GUSB: variants seen among roughly 807,000 people sequenced by gnomAD.
GUSB encodes the protein beta-glucuronidase.
A neutral mutation model predicts 74.6 loss-of-function variants in GUSB; 51 were observed. The observed-to-expected ratio is 0.68, with a 90% CI of 0.55 to 0.86. GUSB has a LOEUF of 0.86. Ranked by LOEUF, GUSB falls within the 40% of genes least tolerant of loss-of-function variation. The pLI, the probability that GUSB is intolerant of heterozygous loss-of-function variation, is 0.00. For missense variants in GUSB, 736 were observed against 853.7 expected (o/e 0.86, Z 1.72); for synonymous variants, 360 against 348.3 (o/e 1.03, Z -0.37).
chr7:65,975,945 T>G (rs1370472583), intron 5 of GUSB, 70 bp downstream of exon 5: 5 of 1,320,272 alleles, frequency 3.8e-6, no homozygotes, highest in Non-Finnish European at 5.4e-6. Context: ...TGTCTTGGGC[T>G]CCTGCTGAAG....
At chr7:65,974,102 G>GA (rs201018810) in intron 8 of GUSB, among the ~76,000 whole-genome samples, 193 bp downstream of exon 8, 2,426 of 150,350 alleles carry the variant, frequency 0.016, 39 homozygotes, top group Non-Finnish European at 0.019. Context: ...ATCTCAAAAA[G>GA]AAAAAAAAAG....
intron 8 of GUSB, among the ~76,000 whole-genome samples, chr7:65,974,080 T>G (rs1449409108): frequency 1.3e-5 from 2 of 151,356 alleles, no homozygotes; most frequent in Non-Finnish European, 2.9e-5. Flanking sequence ...CTGGGCCATA[T>G]AGTGAGACTC....
At position 65,979,489 on chromosome 7, in the gene GUSB, C is replaced by A; in HGVS notation, c.634G>T (p.Ala212Ser). 6.2e-7 allele frequency: 1 copy of A among 1,613,918 alleles called. No homozygotes were observed. Among genetic ancestry groups the A allele is most frequent in the Admixed American group, 1.7e-5 (1 of 60,008 alleles). Residue 212 changes from alanine to serine, a missense_variant, in exon 4 of 12, where the codon GCT (alanine) becomes TCT (serine). Physicochemically the swap from Ala to Ser is moderately conservative, Grantham distance 99. This residue lies in a region of GUSB where 368 missense variants were observed against 363.8 expected (regional missense o/e 1.01). Coordinates refer to ENST00000304895, the MANE Select transcript of GUSB (RefSeq NM_000181.4). ...AGAAGTACAGACCGCTGCAGTCCAG[C>A]GTAGTTGAAAAAGTCAAAATATGTG... is the stretch of plus-strand genomic sequence containing the variant. ...QNTYFDFFNY[A>S]GLQRSVLLYT...
intron 11 of GUSB, among the ~76,000 whole-genome samples, chr7:65,961,767 G>A (rs546228496): frequency 6.6e-6 from 1 of 152,322 alleles, no homozygotes. Flanking sequence ...ACTCTGGGAG[G>A]ACAAAGCAGG....
rs1790433715 is a variant in GUSB, at chr7:65,960,827, A to ACTT, written c.*67_*69dup. 21 of 1,316,932 alleles carry ACTT rather than the reference A, an allele frequency of 1.6e-5. No individual in the cohort carries two copies. In the East Asian group the frequency reaches 4.8e-4, roughly 30 times the overall value. The allele number at this position is 1,316,932 out of a possible 1,614,324, so 81.6% of individuals were successfully genotyped here. On this transcript the variant is annotated 3_prime_UTR_variant, in exon 12 of 12. Coordinates refer to ENST00000304895, the MANE Select transcript of GUSB (RefSeq NM_000181.4). ...GTCTGCCGTGAACAGTCCAGGAGGC[A>ACTT]CTTGTTCTGCTGCTGTGGAAGTCGC...
In GUSB at chr7:65,967,115, G is replaced by C. The variant is rs199647969; in HGVS notation, c.1653+616C>G. 3.5e-4 allele frequency among the ~76,000 whole-genome samples: 54 copies of C among 152,164 alleles called. No individual in the cohort carries two copies. In the East Asian group the frequency reaches 7.2e-3, roughly 20 times the overall value. ...AGGACACTGAGTGTCCTGACCAGAGGTTAGGGCTTTGTCCTGTGGGCCTGG... is the reference window on the plus strand; with the variant it reads ...AGGACACTGAGTGTCCTGACCAGAGCTTAGGGCTTTGTCCTGTGGGCCTGG... On this transcript the variant is annotated intron_variant, in intron 10 of 11. Transcript: ENST00000304895.
intron 4 of GUSB, among the ~76,000 whole-genome samples, chr7:65,977,566 T>C (rs1048153297): frequency 6.6e-6 from 1 of 151,892 alleles, no homozygotes; most frequent in Non-Finnish European, 1.5e-5. Context: ...ATTTATTTAT[T>C]TTTTTCTTAG....
chr7:65,974,647 A>G lies in GUSB; in HGVS notation c.1123T>C (p.Trp375Arg). The part of the protein sequence containing the change: ...LLVKDFNLLR[W>R]LGANAFRTSH... ...GTACGGAAAGCGTTGGCACCAAGCCAGCGAAGCAGGTTGAAGTCCTTCACC... is the reference window on the plus strand; with the variant it reads ...GTACGGAAAGCGTTGGCACCAAGCCGGCGAAGCAGGTTGAAGTCCTTCACC... Residue 375 changes from tryptophan to arginine, a missense_variant, in exon 7 of 12, where the codon TGG becomes CGG. Trp to Arg is a moderately radical substitution (Grantham distance 101). This residue lies in a region of GUSB where 368 missense variants were observed against 489.9 expected (regional missense o/e 0.75). Transcript: ENST00000304895. The G allele has an allele frequency of 6.2e-7, 1 of 1,613,994 alleles. No homozygotes were observed. Among genetic ancestry groups the G allele is most frequent in the African/African-American group, 1.3e-5 (1 of 75,056 alleles).
chr7:65,971,336 G>A (rs551124635), intron 8 of GUSB, among the ~76,000 whole-genome samples: 4 of 152,322 alleles, frequency 2.6e-5, no homozygotes, highest in South Asian at 2.1e-4. Flanking sequence ...CGGGCAAGGC[G>A]GCTCACGCCT....
Position 65,977,564 on chromosome 7 carries a change from A to T in GUSB, c.725-1362T>A, listed in dbSNP as rs566747099. ...TTCATTTATTTTATTTTATTTATTT[A>T]TTTTTTTCTTAGATAGGGTCTCAGT... On this transcript the variant is annotated intron_variant, in intron 4 of 11. Coordinates refer to ENST00000304895, the MANE Select transcript of GUSB (RefSeq NM_000181.4). 1.3e-4 allele frequency among the ~76,000 whole-genome samples: 19 copies of T among 151,150 alleles called. No homozygotes were observed. The South Asian group carries it at 2.9e-3, about 23-fold the overall frequency.
rs1445612290 is a variant in GUSB, at chr7:65,976,027, C to T, written c.900G>A (p.Leu300=). The T allele has an allele frequency of 6.2e-7, 1 of 1,613,480 alleles. No individual in the cohort carries two copies. The highest frequency in any genetic ancestry group is 1.3e-5 in the African/African-American group (1 of 74,902). ...PYLMHERPAY[L]YSLEVQLTAQ... ...AAACCACCATTACCTCCAATGAATA[C>T]AGATAGGCAGGGCGTTCGTGCATCA... The change falls in exon 5 of 12, where the codon CTG becomes CTA. Residue 300 remains leucine, a synonymous_variant. Coordinates refer to ENST00000304895, the MANE Select transcript of GUSB (RefSeq NM_000181.4).
chr7:65,977,683 C>A (rs2116000837), intron 4 of GUSB, among the ~76,000 whole-genome samples: 1 of 152,052 alleles, frequency 6.6e-6, no homozygotes, highest in East Asian at 1.9e-4. Flanking sequence ...AGCCACCACA[C>A]CCAGCCTAAA....
At position 65,979,746 on chromosome 7, in the gene GUSB, A is replaced by G. The variant is rs1306162132; in HGVS notation, c.562T>C (p.Tyr188His). 4 of 1,613,716 alleles carry G rather than the reference A, an allele frequency of 2.5e-6. No homozygotes were observed. Among genetic ancestry groups the G allele is most frequent in the Non-Finnish European group, 3.4e-6 (4 of 1,179,988 alleles). ...PTTLPPGTIQ[Y>H]LTDTSKYPKG... Reference sequence around the variant, plus strand: ...ACCCACTTGGAGGTGTCAGTCAGGTATTGGATGGTCCCTGGTGGCAGGGTG... The same window carrying G: ...ACCCACTTGGAGGTGTCAGTCAGGTGTTGGATGGTCCCTGGTGGCAGGGTG... The change falls in exon 3 of 12, where the codon TAC (tyrosine) becomes CAC (histidine). Residue 188 changes from tyrosine (Y) to histidine (H), a missense_variant. Tyr to His is a moderately conservative substitution (Grantham distance 83). Transcript: ENST00000304895.
rs1396382795 is a variant in GUSB at position 65,974,375 on chromosome 7, G to A, written c.1311C>T (p.Asp437=). 1 of 1,613,998 alleles carries A rather than the reference G, an allele frequency of 6.2e-7. No homozygotes were observed. The highest frequency in any genetic ancestry group is 2.2e-5 in the East Asian group (1 of 44,886). ...ACATCACGACCGCGGGGTGGTTCTTGTCCCTACGCACCACTTCTTCCATCA... is the reference window on the plus strand; with the variant it reads ...ACATCACGACCGCGGGGTGGTTCTTATCCCTACGCACCACTTCTTCCATCA... ...MQVMEEVVRR[D]KNHPAVVMWS... is the part of the protein sequence containing the mutation. The change falls in exon 8 of 12, where the codon GAC becomes GAT. Residue 437 remains aspartate (D), a synonymous_variant. Coordinates refer to ENST00000304895, the MANE Select transcript of GUSB (RefSeq NM_000181.4).
At chr7:65,976,275 GCCAC>G in intron 4 of GUSB, 73 bp from the exon 5 acceptor site, 2 of 985,694 alleles carry the variant, frequency 2.0e-6, no homozygotes, top group Non-Finnish European at 3.2e-6. Flanking sequence ...GCGCCCTGCA[GCCAC>G]CGCTGCCAGG....
chr7:65,979,319 T>G, intron 4 of GUSB, 80 bp downstream of exon 4: 2 of 1,398,098 alleles, frequency 1.4e-6, no homozygotes, highest in South Asian at 2.3e-5. Flanking sequence ...GAGCACCTTT[T>G]TCCTGGGAGA....
chr7:65,978,742 A>G (rs2116017668), intron 4 of GUSB, among the ~76,000 whole-genome samples: 1 of 151,906 alleles, frequency 6.6e-6, no homozygotes, highest in South Asian at 2.1e-4. Flanking sequence ...ATCGCACTCC[A>G]GCCTGGCGAC....
intron 9 of GUSB, among the ~76,000 whole-genome samples, chr7:65,969,316 T>C (rs980258074): frequency 2.8e-4 from 42 of 151,894 alleles, no homozygotes; most frequent in African/African-American, 9.9e-4. Context: ...GAGGACGAGG[T>C]TGCAGCGAGC....
chr7:65,981,909 C>T, intron 1 of GUSB, 65 bp downstream of exon 1: 1 of 1,377,912 alleles, frequency 7.3e-7, no homozygotes, highest in Non-Finnish European at 9.9e-7. Flanking sequence ...CTGCGGGGGG[C>T]CCGGGCTCCC....
Sources: allele counts gnomAD v4.1 joint callset (sites outside exome capture counted in the v4.1 genomes callset), GRCh38; gene constraint gnomAD v4.1.1; regional missense constraint gnomAD v4.1.1; transcripts MANE v1.5; gene names NCBI Gene and HGNC (gene_info 2026-07-23, HGNC 2026-07-21).